Variants in ARMH4 observed in about 807,000 individuals in gnomAD.
ARMH4 encodes the protein armadillo like helical domain containing 4, also known as armadillo-like helical domain-containing protein 4.
A neutral mutation model predicts 61.9 loss-of-function variants in ARMH4; 49 were observed. The ratio of observed to expected loss-of-function variants is 0.79; its 90% confidence interval spans 0.63 to 1.00. ARMH4 has a LOEUF of 1.00. Among genes scored for constraint, ARMH4 ranks in the 50% least tolerant of loss-of-function variants. The pLI, the probability that ARMH4 is intolerant of heterozygous loss-of-function variation, is 0.00. For synonymous variants in ARMH4, 368 were observed against 341.5 expected (o/e 1.08, Z -0.85); for missense variants, 934 against 930.0 (o/e 1.00, Z -0.06).
rs747218089 is a variant in ARMH4, at chr14:58,096,880, C to T, written c.1933G>A (p.Glu645Lys). ...AGCTCAGTGTCACCATCCAAGCCCT[C>T]ATCCAGCGAGTCTGCATCTTTATCT... ...EEDKDADSLD[E>K]GLDGDTELPG... is the part of the protein sequence containing the mutation. The change falls in exon 5 of 8, where the codon GAG becomes AAG. Residue 645 changes from glutamate (E) to lysine (K), a missense_variant. Coordinates refer to ENST00000267485, the MANE Select transcript of ARMH4 (RefSeq NM_001001872.4). 1.2e-6 allele frequency: 2 copies of T among 1,614,178 alleles called. No homozygotes were observed. Among genetic ancestry groups the T allele is most frequent in the Non-Finnish European group, 1.7e-6 (2 of 1,180,032 alleles).
At chr14:58,122,895 G>A (rs12147017) in intron 4 of ARMH4, among the ~76,000 whole-genome samples, 25,867 of 152,150 alleles carry the variant, frequency 0.17, 3,837 homozygotes, top group African/African-American at 0.41. Context: ...CAGCAGGACT[G>A]AGGGTGCCTG....
In ARMH4 at chr14:58,072,463, C is replaced by T. The variant is rs118150572; in HGVS notation, c.2089+24261G>A. Among the ~76,000 whole-genome samples, 18 of 152,166 alleles carry T rather than the reference C, an allele frequency of 1.2e-4. 1 individual carries two copies. In the East Asian group the frequency reaches 3.3e-3, roughly 28 times the overall value. ...GCCGGGCACGGTGGCTTATGCCTGT[C>T]GTCCCAGCACTTTTGGAGGCGGAGG... On this transcript the variant is annotated intron_variant, in intron 5 of 7. Transcript: ENST00000267485.
At chr14:58,104,578 AT>A (rs1315557432) in intron 4 of ARMH4, among the ~76,000 whole-genome samples, 2 of 152,222 alleles carry the variant, frequency 1.3e-5, no homozygotes, top group Non-Finnish European at 2.9e-5. Context: ...TTTTACAGCC[AT>A]TAAACATTTT....
chr14:58,135,444 T>C (rs1055564501), intron 2 of ARMH4, among the ~76,000 whole-genome samples: 1 of 152,222 alleles, frequency 6.6e-6, no homozygotes, highest in African/African-American at 2.4e-5. Context: ...TGAACACTTT[T>C]GAGAACATAT....
chr14:58,132,851 C>T (rs372602464), intron 3 of ARMH4, among the ~76,000 whole-genome samples: 49 of 152,250 alleles, frequency 3.2e-4, no homozygotes, highest in East Asian at 1.6e-3. Flanking sequence ...TCCCAAAGTG[C>T]TGGGATTACA....
chr14:58,072,566 A>G (rs1021884599), intron 5 of ARMH4, among the ~76,000 whole-genome samples: 3 of 151,858 alleles, frequency 2.0e-5, no homozygotes, highest in Admixed American at 6.6e-5. Flanking sequence ...TAACAACACA[A>G]AAAAAATTAG....
chr14:58,100,451 G>A (rs1298001605), intron 4 of ARMH4, among the ~76,000 whole-genome samples: 4 of 152,330 alleles, frequency 2.6e-5, no homozygotes, highest in Admixed American at 2.0e-4. Context: ...TTAACCAGCA[G>A]CAAGTTTTAC....
chr14:58,060,850 C>T (rs1434348454), intron 5 of ARMH4, among the ~76,000 whole-genome samples: 1 of 152,272 alleles, frequency 6.6e-6, no homozygotes, highest in Admixed American at 6.5e-5. Context: ...TTCCCAGATT[C>T]CCAAACTGCC....
chr14:58,106,660 C>T (rs576910793), intron 4 of ARMH4, among the ~76,000 whole-genome samples: 96 of 152,174 alleles, frequency 6.3e-4, no homozygotes, highest in Admixed American at 3.3e-3. Flanking sequence ...TCAAAGCCCA[C>T]GACGATACTT....
At chr14:58,030,189 G>A (rs762511196) in intron 5 of ARMH4, among the ~76,000 whole-genome samples, 1 of 152,150 alleles carries the variant, frequency 6.6e-6, no homozygotes, top group South Asian at 2.1e-4. Context: ...AGAGAGGGGA[G>A]AGAGTAGAAC....
intron 1 of ARMH4, chr14:58,141,614 A>G: frequency 2.2e-6 from 1 of 458,080 alleles, no homozygotes; most frequent in Non-Finnish European, 4.2e-6. Context: ...AACTGCCACA[A>G]GAAGAAATGC....
chr14:58,003,230 T>G lies in ARMH4; in HGVS notation c.*1506A>C, dbSNP rs1051499811. 1 of 152,246 alleles carries G rather than the reference T, an allele frequency of 6.6e-6. No individual in the cohort carries two copies. Among genetic ancestry groups the G allele is most frequent in the Non-Finnish European group, 1.5e-5 (1 of 68,044 alleles). The allele number at this position is 152,246 out of a possible 1,614,324, so 9.4% of individuals were successfully genotyped here. A position where few individuals can be genotyped will look rare whatever the true frequency, so the allele number is the denominator to read the frequency against. ...AAATGTCACTGCTTCCACCAAAGTC[T>G]ATGAAAAGGTTACTGAACTGAAGAT... On this transcript the variant is annotated 3_prime_UTR_variant, in exon 8 of 8. Transcript: ENST00000267485.
chr14:58,098,635 T>C (rs1032424155), intron 4 of ARMH4, among the ~76,000 whole-genome samples: 3 of 152,140 alleles, frequency 2.0e-5, no homozygotes, highest in African/African-American at 7.2e-5. Flanking sequence ...GCATTCCCAG[T>C]GGAGGAAATG....
intron 5 of ARMH4, among the ~76,000 whole-genome samples, chr14:58,070,748 G>A (rs913003226): frequency 6.6e-5 from 10 of 152,222 alleles, no homozygotes; most frequent in South Asian, 2.1e-4. Flanking sequence ...TAAAATGTAC[G>A]ATTAAATTAT....
At chr14:58,019,830 A>G (rs1955636) in intron 5 of ARMH4, among the ~76,000 whole-genome samples, 44,763 of 151,890 alleles carry the variant, frequency 0.29, 6,801 homozygotes, top group African/African-American at 0.34. Flanking sequence ...AAAATAAAAT[A>G]ACATTTCCAT....
chr14:58,011,028 C>A (rs911868398), intron 6 of ARMH4, among the ~76,000 whole-genome samples: 3 of 152,030 alleles, frequency 2.0e-5, no homozygotes, highest in Admixed American at 6.6e-5. Context: ...TTCTTCCCCC[C>A]AAGTTTTTCT....
intron 5 of ARMH4, among the ~76,000 whole-genome samples, chr14:58,066,255 G>T (rs2141221074): frequency 6.6e-6 from 1 of 152,312 alleles, no homozygotes; most frequent in Non-Finnish European, 1.5e-5. Flanking sequence ...ATGTTATAAT[G>T]TGTCACAGCC....
chr14:58,124,250 C>A (rs966267878), intron 4 of ARMH4, among the ~76,000 whole-genome samples: 1 of 152,122 alleles, frequency 6.6e-6, no homozygotes, highest in African/African-American at 2.4e-5. Flanking sequence ...AACCCAAGCC[C>A]CAGTGTTAAG....
chr14:58,076,611 T>C (rs964115427), intron 5 of ARMH4, among the ~76,000 whole-genome samples: 1 of 152,230 alleles, frequency 6.6e-6, no homozygotes, highest in Admixed American at 6.5e-5. Context: ...TTTAAACTAC[T>C]GAATTTTATT....
Sources: allele counts gnomAD v4.1 joint callset (sites outside exome capture counted in the v4.1 genomes callset), GRCh38; gene constraint gnomAD v4.1.1; transcripts MANE v1.5; gene names NCBI Gene and HGNC (gene_info 2026-07-23, HGNC 2026-07-21).